The following MRLN variants were observed in gnomAD, a reference collection of about 807,000 sequenced individuals.
The protein encoded by MRLN is myoregulin, also known as Linc-RNA activator of myogenesis.
chr10:59,748,069 TCTTATTAATG>T (rs1841060375), intron 1 of MRLN, among the ~76,000 whole-genome samples: 1 of 151,824 alleles, frequency 6.6e-6, no homozygotes, highest in South Asian at 2.1e-4. Flanking sequence ...GAGAACTATG[TCTTATTAATG>T]CTTTTTCTTT....
chr10:59,751,591 G>A (rs1589020600), intron 1 of MRLN, among the ~76,000 whole-genome samples: 2 of 147,886 alleles, frequency 1.4e-5, no homozygotes, highest in Non-Finnish European at 1.5e-5. Context: ...AATCACTTGA[G>A]CCTGGGAGGT....
chr10:59,738,040 G>A (rs1432424628), intron 2 of MRLN: 1 of 152,148 alleles, frequency 6.6e-6, no homozygotes, highest in Admixed American at 6.5e-5. Flanking sequence ...AGACTTTTAA[G>A]AGAGAATAAG....
intron 2 of MRLN, among the ~76,000 whole-genome samples, chr10:59,737,564 G>A (rs111828692): frequency 2.0e-5 from 3 of 150,170 alleles, no homozygotes; most frequent in African/African-American, 4.9e-5. Flanking sequence ...ATTGGCATTG[G>A]TGAAGCTGCT....
chr10:59,747,578 T>C (rs1295043214), intron 1 of MRLN, among the ~76,000 whole-genome samples: 2 of 152,220 alleles, frequency 1.3e-5, no homozygotes, highest in African/African-American at 2.4e-5. Context: ...CAGGCAAAAC[T>C]GTTAAACTCC....
chr10:59,751,616 G>A (rs1424562639), intron 1 of MRLN, among the ~76,000 whole-genome samples: 1 of 147,930 alleles, frequency 6.8e-6, no homozygotes, highest in Non-Finnish European at 1.5e-5. Context: ...ATTGCAGTGA[G>A]GTGATATCAA....
At position 59,736,753 on chromosome 10, in the gene MRLN, G is replaced by C. The variant is rs190104425; in HGVS notation, c.*307C>G. ...TCGAACTCCTGCACTCAAGGGATCC[G>C]CCTACCTGGGCCTCTCAAAGTGCTG... On this transcript the variant is annotated 3_prime_UTR_variant, in exon 3 of 3. Transcript: ENST00000414264. 2 of 158,326 alleles carry C rather than the reference G, an allele frequency of 1.3e-5. No homozygotes were observed. Among genetic ancestry groups the C allele is most frequent in the East Asian group, 3.6e-4 (2 of 5,564 alleles). The allele number at this position is 158,326 out of a possible 1,614,324, so 9.8% of individuals were successfully genotyped here.
chr10:59,738,166 C>A (rs761579891), intron 2 of MRLN: 1 of 152,066 alleles, frequency 6.6e-6, no homozygotes, highest in Non-Finnish European at 1.5e-5. Flanking sequence ...AATTACTTGC[C>A]CCAAATTATA....
chr10:59,748,584 C>A (rs1841065977), intron 1 of MRLN, among the ~76,000 whole-genome samples: 1 of 152,026 alleles, frequency 6.6e-6, no homozygotes, highest in African/African-American at 2.4e-5. Context: ...CTAAGAAAAA[C>A]AATAAGGGGG....
intron 1 of MRLN, among the ~76,000 whole-genome samples, chr10:59,745,134 A>T (rs1330128810): frequency 2.0e-5 from 3 of 150,866 alleles, no homozygotes; most frequent in South Asian, 2.1e-4. Context: ...AAAATAAAAT[A>T]AAAAAAAGAA....
At chr10:59,751,273 C>T (rs1466822249) in intron 1 of MRLN, among the ~76,000 whole-genome samples, 1 of 152,112 alleles carries the variant, frequency 6.6e-6, no homozygotes, top group Non-Finnish European at 1.5e-5. Context: ...GAGCTTGGAA[C>T]AAAGTAAGTG....
intron 1 of MRLN, among the ~76,000 whole-genome samples, chr10:59,752,747 T>C (rs2070171891): frequency 6.6e-6 from 1 of 152,192 alleles, no homozygotes; most frequent in Non-Finnish European, 1.5e-5. Flanking sequence ...ACAGAAAACA[T>C]AGTGACCTAC....
chr10:59,751,057 G>A (rs977009091), intron 1 of MRLN, among the ~76,000 whole-genome samples: 8 of 152,174 alleles, frequency 5.3e-5, no homozygotes, highest in Non-Finnish European at 8.8e-5. Flanking sequence ...TACTTGGCCT[G>A]CAACACACAC....
At chr10:59,750,671 C>T (rs993495158) in intron 1 of MRLN, among the ~76,000 whole-genome samples, 2 of 152,192 alleles carry the variant, frequency 1.3e-5, no homozygotes, top group Non-Finnish European at 2.9e-5. Flanking sequence ...ATGTTATCAA[C>T]CTTCTCCCTG....
rs561056784 is a variant in MRLN, at chr10:59,741,819, C to T, written c.-124-3257G>A. 3.2e-4 allele frequency among the ~76,000 whole-genome samples: 49 copies of T among 152,304 alleles called. No individual in the cohort carries two copies. The South Asian group carries it at 1.0e-2, about 31-fold the overall frequency. On this transcript the variant is annotated intron_variant, in intron 1 of 2. Transcript: ENST00000414264. ...CTCAGCTCCTGAGTAGCTACGGCTA[C>T]AGGTGTGCACCGCCTTGCCTGGCTA...
chr10:59,737,296 C>T (rs1185474986), intron 2 of MRLN, 76 bp from the exon 3 acceptor site: 2 of 381,150 alleles, frequency 5.2e-6, no homozygotes, highest in East Asian at 7.3e-5. Context: ...CTAATATTTC[C>T]ACTATAAAAA....
At chr10:59,752,649 G>C (rs2070170936) in intron 1 of MRLN, among the ~76,000 whole-genome samples, 2 of 152,236 alleles carry the variant, frequency 1.3e-5, no homozygotes, top group Admixed American at 1.3e-4. Flanking sequence ...TGGTCTTGAA[G>C]AAGGATTGGA....
At chr10:59,741,194 G>T (rs946385304) in intron 1 of MRLN, among the ~76,000 whole-genome samples, 1 of 152,088 alleles carries the variant, frequency 6.6e-6, no homozygotes, top group Admixed American at 6.5e-5. Flanking sequence ...ACAAAGTCTA[G>T]AGTAGTGTAC....
At chr10:59,752,525 T>C (rs994379654) in intron 1 of MRLN, among the ~76,000 whole-genome samples, 2 of 152,176 alleles carry the variant, frequency 1.3e-5, no homozygotes, top group Non-Finnish European at 2.9e-5. Context: ...CAAGACCACA[T>C]CTGCCTCCTT....
At position 59,752,508 on chromosome 10, in the gene MRLN, TCAACAA is replaced by T. The variant is rs527688145; in HGVS notation, c.-125+840_-125+845del. ...GCTTGTATGTGGTCCAAGCCAGGGC[TCAACAA>T]CAAGACCACATCTGCCTCCTTCCAG... On this transcript the variant is annotated intron_variant, in intron 1 of 2. Coordinates refer to ENST00000414264, the MANE Select transcript of MRLN (RefSeq NM_001304731.2). Among the ~76,000 whole-genome samples the T allele has an allele frequency of 5.9e-5, 9 of 152,304 alleles. No individual in the cohort carries two copies. In the South Asian group the frequency reaches 1.9e-3, roughly 32 times the overall value.
Sources: allele counts gnomAD v4.1 joint callset (sites outside exome capture counted in the v4.1 genomes callset), GRCh38; gene constraint gnomAD v4.1.1; transcripts MANE v1.5; gene names NCBI Gene and HGNC (gene_info 2026-07-23, HGNC 2026-07-21).